Variants in PLA2G4B observed in about 807,000 individuals in gnomAD.
PLA2G4B encodes cytosolic phospholipase A2 beta.
Under a neutral mutation model 95.8 loss-of-function variants are expected in PLA2G4B, and 122 were observed. That is an observed-to-expected ratio of 1.27 (90% confidence interval 1.10 to 1.48). The LOEUF (loss-of-function observed/expected upper bound fraction) is 1.48, where lower values mean the gene tolerates loss of function less well. Among genes scored for constraint, PLA2G4B ranks in the 40% most tolerant of loss-of-function variants. The pLI is 0.00. For synonymous variants in PLA2G4B, 518 were observed against 421.5 expected (o/e 1.23, Z -2.80); for missense variants, 1,158 against 996.2 (o/e 1.16, Z -2.19).
At chr15:41,847,250 C>A in intron 18 of PLA2G4B, 87 bp from the exon 19 acceptor site, 2 of 1,499,974 alleles carry the variant, frequency 1.3e-6, no homozygotes, top group Non-Finnish European at 1.8e-6. Context: ...GCATTTGAGC[C>A]CCAGGTCCTG....
chr15:41,841,920 T>C lies in PLA2G4B; in HGVS notation c.592T>C (p.Trp198Arg). 1 of 1,613,174 alleles carries C rather than the reference T, an allele frequency of 6.2e-7. No individual in the cohort carries two copies. The change falls in exon 8 of 20, where the codon TGG becomes CGG. Residue 198 changes from tryptophan (W) to arginine (R), a missense_variant. Coordinates refer to ENST00000458483, the MANE Select transcript of PLA2G4B (RefSeq NM_001114633.2). ...GTFRFHCPAC[W>R]EQELSIRLQD... ...CTTCCGCTTCCACTGCCCAGCCTGC[T>C]GGGAGCAGGAGCTGAGTATTCGCCT... is the stretch of plus-strand genomic sequence containing the variant.
At chr15:41,844,686 A>G in intron 12 of PLA2G4B, 79 bp downstream of exon 12, 1 of 1,605,976 alleles carries the variant, frequency 6.2e-7, no homozygotes, top group Non-Finnish European at 8.5e-7. Flanking sequence ...CCTCTGAGAA[A>G]ACTAGAAGGG....
At position 41,843,763 on chromosome 15, in the gene PLA2G4B, G is replaced by A. The variant is rs562819259; in HGVS notation, c.831G>A (p.Ala277=). 3.5e-5 allele frequency: 57 copies of A among 1,613,858 alleles called. 1 individual carries two copies. The South Asian group carries it at 4.3e-4, about 12-fold the overall frequency. ...GCAGGAGGAAGCAGGTGGTGGCCGC[G>A]GCCTTGAGGCAGGCCCTGCAGCTGG... ...FLSRRKQVVA[A]ALRQALQLDG... is the part of the protein sequence containing the mutation. Residue 277 remains alanine (A), a synonymous_variant, in exon 11 of 20, where the codon GCG becomes GCA. Transcript: ENST00000458483.
chr15:41,846,351 C>T lies in PLA2G4B; in HGVS notation c.1749C>T (p.Tyr583=). The change falls in exon 17 of 20, where the codon TAC becomes TAT. Residue 583 remains tyrosine (Y), a synonymous_variant. Coordinates refer to ENST00000458483, the MANE Select transcript of PLA2G4B (RefSeq NM_001114633.2). ...FLRGLHFHKD[Y]FQHPHFSTWK... is the part of the protein sequence containing the mutation. Reference sequence around the variant, plus strand: ...GTGGCCTCCATTTCCACAAAGACTACTTTCAGCATCCTCACTTCTCCACAT... The same window carrying T: ...GTGGCCTCCATTTCCACAAAGACTATTTTCAGCATCCTCACTTCTCCACAT... 5 of 1,608,772 alleles carry T rather than the reference C, an allele frequency of 3.1e-6. No homozygotes were observed. Among genetic ancestry groups the T allele is most frequent in the Non-Finnish European group, 4.3e-6 (5 of 1,175,302 alleles).
intron 16 of PLA2G4B, 46 bp downstream of exon 16, chr15:41,846,093 T>C: frequency 6.4e-7 from 1 of 1,571,512 alleles, no homozygotes; most frequent in Non-Finnish European, 8.7e-7. Flanking sequence ...GGCAGCCAGC[T>C]GGGGCTGCAC....
intron 9 of PLA2G4B, 84 bp downstream of exon 9, chr15:41,842,360 C>T (rs2065448494): frequency 6.3e-7 from 1 of 1,582,972 alleles, no homozygotes; most frequent in Non-Finnish European, 8.6e-7. Flanking sequence ...CTTCCCGCTT[C>T]TCCGTGGGTC....
At position 41,841,838 on chromosome 15, in the gene PLA2G4B, G is replaced by T; in HGVS notation, c.510G>T (p.Gln170His). The T allele has an allele frequency of 6.2e-7, 1 of 1,613,612 alleles. No homozygotes were observed. The highest frequency in any genetic ancestry group is 8.5e-7 in the Non-Finnish European group (1 of 1,179,892). The change falls in exon 8 of 20, where the codon CAG becomes CAT. Residue 170 changes from glutamine to histidine, a missense_variant. Physicochemically the swap from Gln to His is conservative, Grantham distance 24. Coordinates refer to ENST00000458483, the MANE Select transcript of PLA2G4B (RefSeq NM_001114633.2). ...TTCCAGCCTCAGAGCACAGAGTTCA[G>T]CTTGTGGTTCCTGGGTCCTGTGAGG... ...GDQKSSEHRV[Q>H]LVVPGSCEGP...
rs2065439227 is a variant in PLA2G4B, at chr15:41,841,948, A to G, written c.620A>G (p.Gln207Arg). Residue 207 changes from glutamine to arginine, a missense_variant and splice_region_variant, in exon 8 of 20, where the codon CAG becomes CGG. Gln to Arg is a conservative substitution (Grantham distance 43). Transcript: ENST00000458483. ...GAGCAGGAGCTGAGTATTCGCCTGC[A>G]GGTAGTGTGCCTCGCTCCCTCGAGG... ...CWEQELSIRL[Q>R]DAPEEQLKAP... The G allele has an allele frequency of 1.9e-6, 3 of 1,610,840 alleles. No individual in the cohort carries two copies. Among genetic ancestry groups the G allele is most frequent in the Non-Finnish European group, 2.5e-6 (3 of 1,179,330 alleles).
chr15:41,843,807 A>G lies in PLA2G4B; in HGVS notation c.875A>G (p.Asp292Gly), dbSNP rs2065481950. ...CAGCTGGACGGAGACCTGCAGGAGG[A>G]TGAGGTTTGGGGGCTGGGCTGGATG... ...ALQLDGDLQE[D>G]EIPVVAIMAT... The change falls in exon 11 of 20, where the codon GAT becomes GGT. Residue 292 changes from aspartate (D) to glycine (G), a missense_variant. Physicochemically the swap from Asp to Gly is moderately conservative, Grantham distance 94 (BLOSUM62 -1). Transcript: ENST00000458483. The G allele has an allele frequency of 1.2e-6, 2 of 1,613,696 alleles. No individual in the cohort carries two copies. Among genetic ancestry groups the G allele is most frequent in the African/African-American group, 1.3e-5 (1 of 75,006 alleles).
Position 41,847,710 on chromosome 15 carries a change from TCCCTA to T in PLA2G4B, c.2199_2203del (p.Tyr734LeufsTer64). 2 of 1,613,428 alleles carry T rather than the reference TCCCTA, an allele frequency of 1.2e-6. No individual in the cohort carries two copies. On this transcript the variant is annotated frameshift_variant, in exon 20 of 20. Coordinates refer to ENST00000458483, the MANE Select transcript of PLA2G4B (RefSeq NM_001114633.2). LOFTEE classifies it low-confidence loss of function (END_TRUNC). ...AGGTGAACCTGTCTTCATCGGACTC[TCCCTA>T]CCACTACACGAAGGTGACCTACAGC...
At chr15:41,844,328 G>A (rs1028672454) in intron 11 of PLA2G4B, 143 bp from the exon 12 acceptor site, 5 of 1,401,524 alleles carry the variant, frequency 3.6e-6, no homozygotes, top group Non-Finnish European at 4.9e-6. Context: ...TGGCCCCCAG[G>A]GCTGACTGAG....
rs746284542 is a variant in PLA2G4B, at chr15:41,847,751, T to C, written c.2237T>C (p.Val746Ala). 4 of 1,610,188 alleles carry C rather than the reference T, an allele frequency of 2.5e-6. No homozygotes were observed. Among genetic ancestry groups the C allele is most frequent in the Non-Finnish European group, 3.4e-6 (4 of 1,180,018 alleles). ...AAGGTGACCTACAGCCAGGAGGACG[T>C]GGACAAGCTGCTGCACCTGACACAT... ...YTKVTYSQED[V>A]DKLLHLTHYN... Residue 746 changes from valine to alanine, a missense_variant, in exon 20 of 20, where the codon GTG becomes GCG. By Grantham distance (64) the Val-to-Ala change is moderately conservative. Transcript: ENST00000458483.
At chr15:41,846,433 C>A (rs1199318136) in intron 17 of PLA2G4B, 51 bp downstream of exon 17, 1 of 1,571,416 alleles carries the variant, frequency 6.4e-7, no homozygotes, top group South Asian at 1.2e-5. Flanking sequence ...CCTTGAGTCC[C>A]CAGTCCAGAT....
At chr15:41,844,332 G>C in intron 11 of PLA2G4B, 139 bp from the exon 12 acceptor site, 7 of 1,422,828 alleles carry the variant, frequency 4.9e-6, no homozygotes, top group Non-Finnish European at 6.7e-6. Context: ...CCCCAGGGCT[G>C]ACTGAGAACT....
Position 41,841,900 on chromosome 15 carries a change from G to A in PLA2G4B, c.572G>A (p.Arg191His), listed in dbSNP as rs575969962. The A allele has an allele frequency of 8.7e-6, 14 of 1,613,212 alleles. No homozygotes were observed. The highest frequency in any genetic ancestry group is 4.0e-5 in the African/African-American group (3 of 75,006). Residue 191 changes from arginine (R) to histidine (H), a missense_variant, in exon 8 of 20, where the codon CGC becomes CAC. Coordinates refer to ENST00000458483, the MANE Select transcript of PLA2G4B (RefSeq NM_001114633.2). The part of the protein sequence containing the change: ...QEASVGTGTF[R>H]FHCPACWEQE... ...GCCTCTGTGGGCACTGGCACCTTCC[G>A]CTTCCACTGCCCAGCCTGCTGGGAG...
Position 41,847,387 on chromosome 15 carries a change from A to AC in PLA2G4B, c.2001dup (p.Ile668HisfsTer132). 6.2e-7 allele frequency: 1 copy of AC among 1,612,028 alleles called. No homozygotes were observed. The highest frequency in any genetic ancestry group is 8.5e-7 in the Non-Finnish European group (1 of 1,179,522). ...GCCAGGAGCAGGGGATCCCGTTCCC[A>AC]CCCATCTCGCCCAGCCCCGAAGAGC... On this transcript the variant is annotated frameshift_variant, in exon 19 of 20. Coordinates refer to ENST00000458483, the MANE Select transcript of PLA2G4B (RefSeq NM_001114633.2). LOFTEE classifies it high-confidence loss of function.
chr15:41,846,604 T>C (rs1440228623), intron 17 of PLA2G4B, 65 bp from the exon 18 acceptor site: 2 of 1,545,328 alleles, frequency 1.3e-6, no homozygotes, highest in Non-Finnish European at 1.8e-6. Flanking sequence ...CCAGAGTCTC[T>C]CCTTCCAGCA....
chr15:41,841,341 G>A, intron 6 of PLA2G4B, 68 bp downstream of exon 6: 1 of 1,611,230 alleles, frequency 6.2e-7, no homozygotes, highest in South Asian at 1.1e-5. Flanking sequence ...GCGACTTGAG[G>A]TACAGGCCCA....
At chr15:41,846,445 C>T (rs1359739818) in intron 17 of PLA2G4B, 63 bp downstream of exon 17, 6 of 1,560,058 alleles carry the variant, frequency 3.8e-6, no homozygotes, top group Non-Finnish European at 5.2e-6. Flanking sequence ...AGTCCAGATA[C>T]CCCTCACAGT....
Sources: allele counts gnomAD v4.1 joint callset, GRCh38; gene constraint gnomAD v4.1.1; transcripts MANE v1.5; gene names NCBI Gene and HGNC (gene_info 2026-07-23, HGNC 2026-07-21).